The following KCNQ1 variants were observed in gnomAD, a reference collection of about 807,000 sequenced individuals.
KCNQ1 encodes the protein potassium voltage-gated channel subfamily Q member 1, also known as potassium voltage-gated channel subfamily KQT member 1.
KCNQ1 carries 49 observed loss-of-function variants against 72.4 expected under a neutral mutation model. The observed-to-expected ratio is 0.68, with a 90% CI of 0.54 to 0.86. The LOEUF (loss-of-function observed/expected upper bound fraction) is 0.86. KCNQ1 is among the 40% of genes least tolerant of loss of function. KCNQ1 has a pLI of 0.00. For missense variants in KCNQ1, 790 were observed against 945.1 expected, an observed-to-expected ratio of 0.84 and a Z score of 2.15; for synonymous variants, 450 against 412.6, an observed-to-expected ratio of 1.09 and a Z score of -1.10.
intron 2 of KCNQ1, 25 bp from the exon 3 acceptor site, chr11:2,570,603 T>G (rs761504007): frequency 6.2e-7 from 1 of 1,610,848 alleles, no homozygotes; most frequent in South Asian, 1.1e-5. Context: ...CTGCCTGCAG[T>G]GAGCGTCCCA....
rs553777300 is a variant in KCNQ1 at position 2,827,491 on chromosome 11, G to A, written c.1795-20276G>A. On this transcript the variant is annotated intron_variant, in intron 15 of 15. Coordinates refer to ENST00000155840, the MANE Select transcript of KCNQ1 (RefSeq NM_000218.3). This position sits in a 1 kb window ranked among gnomAD's most constrained non-coding sequence, Gnocchi z 6.7. ...CTCCTGTAAAACCCTACACAGAAGCGGCCCACGTCATCCCCCTTTCTGTCC... is the reference window on the plus strand; with the variant it reads ...CTCCTGTAAAACCCTACACAGAAGCAGCCCACGTCATCCCCCTTTCTGTCC... 2.6e-5 allele frequency among the ~76,000 whole-genome samples: 4 copies of A among 152,092 alleles called. No homozygotes were observed. Among genetic ancestry groups the A allele is most frequent in the African/African-American group, 4.8e-5 (2 of 41,416 alleles).
At chr11:2,573,149 C>T (rs1252244438) in intron 6 of KCNQ1, among the ~76,000 whole-genome samples, 163 bp downstream of exon 6, 1 of 152,194 alleles carries the variant, frequency 6.6e-6, no homozygotes, top group Non-Finnish European at 1.5e-5. Flanking sequence ...GCCGCTGGCA[C>T]AGGTCCCCAC....
intron 2 of KCNQ1, among the ~76,000 whole-genome samples, chr11:2,560,134 G>T (rs28451516): frequency 0.31 from 31,703 of 101,880 alleles, 5,644 homozygotes; most frequent in South Asian, 0.46. Context: ...TCAGACATGG[G>T]GGGGAGATGT....
rs1418060189 is a variant in KCNQ1 at position 2,623,814 on chromosome 11, A to G, written c.1393+34960A>G. ...GATGTGATTGCTGAACTGCATGGTAAGAATATGTTTAATTTTATAAGAAAC... is the reference window on the plus strand; with the variant it reads ...GATGTGATTGCTGAACTGCATGGTAGGAATATGTTTAATTTTATAAGAAAC... On this transcript the variant is annotated intron_variant, in intron 10 of 15. Transcript: ENST00000155840. The surrounding 1 kb of genome is among the most constrained non-coding windows in gnomAD (Gnocchi z 5.2). The G allele has an allele frequency of 2.5e-6, 1 of 398,478 alleles. No individual in the cohort carries two copies. The highest frequency in any genetic ancestry group is 4.4e-5 in the Admixed American group (1 of 22,714). The allele number at this position is 398,478 out of a possible 1,614,324, so 24.7% of individuals were successfully genotyped here. A position where few individuals can be genotyped will look rare whatever the true frequency, so the allele number is the denominator to read the frequency against.
At position 2,612,155 on chromosome 11, in the gene KCNQ1, G is replaced by A. The variant is rs1848987621; in HGVS notation, c.1393+23301G>A. Reference sequence around the variant, plus strand: ...CCAGTCTGTGGCCTATTAGAAACTGGGCTACACAGCAGGAGGTGAGCAGCA... The same window carrying A: ...CCAGTCTGTGGCCTATTAGAAACTGAGCTACACAGCAGGAGGTGAGCAGCA... On this transcript the variant is annotated intron_variant, in intron 10 of 15. Transcript: ENST00000155840. This position sits in a 1 kb window ranked among gnomAD's most constrained non-coding sequence, Gnocchi z 5.5. The A allele has an allele frequency of 2.5e-6, 1 of 398,514 alleles. No individual in the cohort carries two copies. Among genetic ancestry groups the A allele is most frequent in the East Asian group, 3.6e-5 (1 of 28,096 alleles). 24.7% of individuals were successfully genotyped at this position (398,514 alleles called of 1,614,324 possible).
At position 2,785,870 on chromosome 11, in the gene KCNQ1, C is replaced by T. The variant is rs1456731727; in HGVS notation, c.1794+7833C>T. Among the ~76,000 whole-genome samples the T allele has an allele frequency of 6.6e-6, 1 of 151,994 alleles. No homozygotes were observed. The highest frequency in any genetic ancestry group is 2.1e-4 in the South Asian group (1 of 4,826). The stretch of plus-strand genomic sequence containing the variant: ...ATATCAGAAGTAATTGCTATATCTA[C>T]CCATATCTGTAATAAAATAGGGATC... On this transcript the variant is annotated intron_variant, in intron 15 of 15. Coordinates refer to ENST00000155840, the MANE Select transcript of KCNQ1 (RefSeq NM_000218.3). The surrounding 1 kb of genome is among the most constrained non-coding windows in gnomAD (Gnocchi z 4.4).
At chr11:2,727,044 C>T (rs1845776531) in intron 11 of KCNQ1, among the ~76,000 whole-genome samples, 1 of 152,222 alleles carries the variant, frequency 6.6e-6, no homozygotes, top group African/African-American at 2.4e-5. Flanking sequence ...GGGGTTTGTG[C>T]TATGCCCTTT....
chr11:2,742,319 C>T (rs1846068626), intron 11 of KCNQ1, among the ~76,000 whole-genome samples: 1 of 152,204 alleles, frequency 6.6e-6, no homozygotes, highest in African/African-American at 2.4e-5. Context: ...AGATCAGATA[C>T]ATCAGCTACA....
intron 10 of KCNQ1, chr11:2,639,812 G>A (rs1195856269): frequency 6.6e-6 from 1 of 152,570 alleles, no homozygotes; most frequent in African/African-American, 2.4e-5. Context: ...CCCCAGAGGT[G>A]GAGTCTACAG....
In KCNQ1 at chr11:2,827,800, A is replaced by T. The variant is rs1847870401; in HGVS notation, c.1795-19967A>T. Among the ~76,000 whole-genome samples the T allele has an allele frequency of 6.6e-6, 1 of 152,104 alleles. No homozygotes were observed. Among genetic ancestry groups the T allele is most frequent in the Non-Finnish European group, 1.5e-5 (1 of 68,002 alleles). ...CTTCAGCGGCTCAGGCCAGGGTGTA[A>T]GTAGCAGGTATGTGGTGGTACTGTT... On this transcript the variant is annotated intron_variant, in intron 15 of 15. Coordinates refer to ENST00000155840, the MANE Select transcript of KCNQ1 (RefSeq NM_000218.3). This position sits in a 1 kb window ranked among gnomAD's most constrained non-coding sequence, Gnocchi z 6.7.
rs1849179356 is a variant in KCNQ1 at position 2,621,952 on chromosome 11, A to G, written c.1393+33098A>G. On this transcript the variant is annotated intron_variant, in intron 10 of 15. Transcript: ENST00000155840. This position sits in a 1 kb window ranked among gnomAD's most constrained non-coding sequence, Gnocchi z 5.7. ...TCTTCTTTTTCTAATTCCTTGAGGT[A>G]CAATTTTGGGCTATTTGAAATATCT... The G allele has an allele frequency of 7.5e-6, 3 of 398,138 alleles. No individual in the cohort carries two copies. The highest frequency in any genetic ancestry group is 2.1e-5 in the African/African-American group (1 of 48,582). 24.7% of individuals were successfully genotyped at this position (398,138 alleles called of 1,614,324 possible).
intron 10 of KCNQ1, chr11:2,637,465 T>C (rs1183300047): frequency 1.3e-5 from 2 of 152,260 alleles, no homozygotes; most frequent in Non-Finnish European, 2.9e-5. Context: ...CAGGAGCAGG[T>C]GGTTCAGTTT....
intron 11 of KCNQ1, chr11:2,675,432 T>G (rs1850276628): frequency 2.5e-6 from 1 of 398,626 alleles, no homozygotes; most frequent in Non-Finnish European, 4.4e-6. Context: ...CATTTTGCGT[T>G]AAAATAAAAG....
intron 10 of KCNQ1, chr11:2,656,238 A>T (rs1849846365): frequency 7.5e-6 from 3 of 398,688 alleles, no homozygotes; most frequent in Non-Finnish European, 1.3e-5. Flanking sequence ...GTCACTTGAC[A>T]ACTGCATTAT....
chr11:2,554,865 A>G (rs1170037011), intron 2 of KCNQ1, among the ~76,000 whole-genome samples: 1 of 152,242 alleles, frequency 6.6e-6, no homozygotes, highest in Non-Finnish European at 1.5e-5. Flanking sequence ...TCAATCCCTT[A>G]AAACATTCCT....
chr11:2,748,096 G>A lies in KCNQ1; in HGVS notation c.1515-20748G>A, dbSNP rs1846167684. Among the ~76,000 whole-genome samples, 1 of 152,154 alleles carries A rather than the reference G, an allele frequency of 6.6e-6. No individual in the cohort carries two copies. The highest frequency in any genetic ancestry group is 1.5e-5 in the Non-Finnish European group (1 of 68,010). ...CACACTCTACCCTAGGAAAGGGCAG[G>A]TTCCCAGGGCTGGGCTTGTGGCCAG... On this transcript the variant is annotated intron_variant, in intron 11 of 15. Coordinates refer to ENST00000155840, the MANE Select transcript of KCNQ1 (RefSeq NM_000218.3). This position sits in a 1 kb window ranked among gnomAD's most constrained non-coding sequence, Gnocchi z 6.2.
At chr11:2,740,724 C>T (rs558847908) in intron 11 of KCNQ1, among the ~76,000 whole-genome samples, 62 of 152,334 alleles carry the variant, frequency 4.1e-4, no homozygotes, top group Non-Finnish European at 5.1e-4. Flanking sequence ...CTCCTAGGGG[C>T]GCCCACATCC....
rs975621899 is a variant in KCNQ1, at chr11:2,695,801, T to A, written c.1514+33720T>A. ...TTTCTAATGCTTCTCCTATGAAGAA[T>A]AGCTGTTGCTTTCATTTACATTTCT... On this transcript the variant is annotated intron_variant, in intron 11 of 15. Transcript: ENST00000155840. This position sits in a 1 kb window ranked among gnomAD's most constrained non-coding sequence, Gnocchi z 5.2. The A allele has an allele frequency of 1.0e-5, 4 of 398,562 alleles. No homozygotes were observed. Among genetic ancestry groups the A allele is most frequent in the African/African-American group, 8.2e-5 (4 of 48,644 alleles). The allele number at this position is 398,562 out of a possible 1,614,324, so 24.7% of individuals were successfully genotyped here.
At chr11:2,707,967 G>T (rs546955489) in intron 11 of KCNQ1, among the ~76,000 whole-genome samples, 1 of 152,202 alleles carries the variant, frequency 6.6e-6, no homozygotes, top group Non-Finnish European at 1.5e-5. Context: ...CAGAGTTCCT[G>T]TGTGTGGCCG....
Sources: allele counts gnomAD v4.1 joint callset (sites outside exome capture counted in the v4.1 genomes callset), GRCh38; gene constraint gnomAD v4.1.1; non-coding constraint Gnocchi (gnomAD v3.1); transcripts MANE v1.5; gene names NCBI Gene and HGNC (gene_info 2026-07-23, HGNC 2026-07-21).